EPHA6: variants seen among roughly 807,000 people sequenced by gnomAD.
EPHA6 encodes the protein ephrin type-A receptor 6.
EPHA6 carries 50 observed loss-of-function variants against 112.0 expected under a neutral mutation model. That is an observed-to-expected ratio of 0.45 (90% CI 0.36 to 0.56). The LOEUF (loss-of-function observed/expected upper bound fraction) is 0.56. Among genes scored for constraint, EPHA6 ranks in the 20% least tolerant of loss-of-function variants. EPHA6 has a pLI of 0.00. For missense variants in EPHA6, 1,280 were observed against 1,417.4 expected, an observed-to-expected ratio of 0.90 and a Z score of 1.56; for synonymous variants, 529 against 490.7, an observed-to-expected ratio of 1.08 and a Z score of -1.03.
chr3:97,637,773 C>T (rs62262805), intron 13 of EPHA6, 100 bp from the exon 14 acceptor site: 39,535 of 854,170 alleles, frequency 0.046, 1,260 homozygotes, highest in Middle Eastern at 0.094. Context: ...TGCTTATCTT[C>T]ATTTGATCCA....
At chr3:97,101,023 C>T (rs932194323) in intron 3 of EPHA6, among the ~76,000 whole-genome samples, 20 of 151,882 alleles carry the variant, frequency 1.3e-4, no homozygotes, top group East Asian at 1.9e-4. Context: ...GAATGTAAAA[C>T]GACTTTATAA....
intron 3 of EPHA6, among the ~76,000 whole-genome samples, chr3:97,025,144 G>A (rs193013020): frequency 6.4e-4 from 98 of 152,296 alleles, no homozygotes; most frequent in African/African-American, 2.3e-3. Context: ...CCTATGTCAT[G>A]AGATTTTTAT....
intron 3 of EPHA6, among the ~76,000 whole-genome samples, chr3:97,189,957 G>A (rs2077256824): frequency 6.6e-6 from 1 of 150,498 alleles, no homozygotes; most frequent in South Asian, 2.1e-4. Context: ...CTTCTAGTTG[G>A]TAACAGTGTA....
Position 96,992,057 on chromosome 3 carries a change from G to A in EPHA6, c.1114+4064G>A, listed in dbSNP as rs1236009089. On this transcript the variant is annotated intron_variant, in intron 3 of 17. Coordinates refer to ENST00000389672, the MANE Select transcript of EPHA6 (RefSeq NM_001080448.3). The stretch of plus-strand genomic sequence containing the variant: ...CTAGTATCTTGCCGCTGCACTCTTA[G>A]TCATTCACTCTGTTTATAAGAATTG... Among the ~76,000 whole-genome samples, 4 of 152,218 alleles carry A rather than the reference G, an allele frequency of 2.6e-5. No individual in the cohort carries two copies. The East Asian group carries it at 5.8e-4, about 22-fold the overall frequency.
At chr3:96,903,935 A>G (rs1278962472) in intron 2 of EPHA6, among the ~76,000 whole-genome samples, 3 of 152,184 alleles carry the variant, frequency 2.0e-5, no homozygotes, top group Admixed American at 1.3e-4. Context: ...TAGAATGGCA[A>G]TCATTAAAAA....
At chr3:96,950,845 C>G (rs116604675) in intron 2 of EPHA6, among the ~76,000 whole-genome samples, 1 of 151,974 alleles carries the variant, frequency 6.6e-6, no homozygotes, top group Non-Finnish European at 1.5e-5. Context: ...CTACCTAGAT[C>G]TTCATTATTG....
At chr3:97,175,020 C>A (rs2076798600) in intron 3 of EPHA6, among the ~76,000 whole-genome samples, 1 of 151,818 alleles carries the variant, frequency 6.6e-6, no homozygotes, top group African/African-American at 2.4e-5. Flanking sequence ...GTAGTGGTTT[C>A]ATAGTTTGAG....
chr3:97,197,881 C>A (rs965740301), intron 3 of EPHA6, among the ~76,000 whole-genome samples: 2 of 152,086 alleles, frequency 1.3e-5, no homozygotes, highest in Non-Finnish European at 2.9e-5. Context: ...TTTCTGGCTA[C>A]AGTAGGTCTA....
intron 5 of EPHA6, among the ~76,000 whole-genome samples, chr3:97,388,788 A>C (rs1417378168): frequency 6.6e-6 from 1 of 152,136 alleles, no homozygotes; most frequent in East Asian, 1.9e-4. Context: ...TTTCAAAATG[A>C]ATCTGGACAA....
At chr3:97,127,978 C>T (rs2048229486) in intron 3 of EPHA6, among the ~76,000 whole-genome samples, 1 of 151,766 alleles carries the variant, frequency 6.6e-6, no homozygotes, top group South Asian at 2.1e-4. Flanking sequence ...AGTAGTGTGC[C>T]CTGTACCCAG....
chr3:96,822,379 G>A (rs2033327823), intron 1 of EPHA6, among the ~76,000 whole-genome samples: 1 of 151,830 alleles, frequency 6.6e-6, no homozygotes, highest in African/African-American at 2.4e-5. Flanking sequence ...TGGGATGAAA[G>A]TGTGTATTTT....
chr3:97,098,560 T>C (rs1196887371), intron 3 of EPHA6, among the ~76,000 whole-genome samples: 1 of 151,946 alleles, frequency 6.6e-6, no homozygotes, highest in African/African-American at 2.4e-5. Flanking sequence ...GATGATGTTA[T>C]GTGACTAAGA....
chr3:97,262,811 G>A (rs2079546407), intron 5 of EPHA6, among the ~76,000 whole-genome samples: 1 of 151,882 alleles, frequency 6.6e-6, no homozygotes, highest in Admixed American at 6.6e-5. Context: ...TGTATGTAAG[G>A]ACTTCTGTCA....
At chr3:97,606,845 A>G (rs971303712) in intron 12 of EPHA6, among the ~76,000 whole-genome samples, 7 of 151,180 alleles carry the variant, frequency 4.6e-5, no homozygotes, top group Non-Finnish European at 1.0e-4. Context: ...AGGTAGAAAT[A>G]GATTAAATAA....
chr3:97,198,490 C>T (rs2077497003), intron 3 of EPHA6, among the ~76,000 whole-genome samples: 1 of 150,938 alleles, frequency 6.6e-6, no homozygotes, highest in African/African-American at 2.5e-5. Flanking sequence ...ACTACAGACT[C>T]CACTTTTTTT....
chr3:97,191,166 G>T (rs532497563), intron 3 of EPHA6, among the ~76,000 whole-genome samples: 17 of 151,824 alleles, frequency 1.1e-4, no homozygotes, highest in African/African-American at 3.9e-4. Flanking sequence ...TCAGTGAAAC[G>T]GCACCATATT....
chr3:97,401,322 T>C (rs975561630), intron 5 of EPHA6, among the ~76,000 whole-genome samples: 1 of 151,756 alleles, frequency 6.6e-6, no homozygotes, highest in African/African-American at 2.4e-5. Flanking sequence ...CTTTTCTCTG[T>C]TGGGAGACTT....
intron 2 of EPHA6, among the ~76,000 whole-genome samples, chr3:96,972,838 C>G (rs973731856): frequency 6.6e-6 from 1 of 152,086 alleles, no homozygotes; most frequent in Non-Finnish European, 1.5e-5. Context: ...TTTAAAATTT[C>G]AAAATTGATT....
At chr3:97,376,413 GTTTCTC>G (rs2085359135) in intron 5 of EPHA6, among the ~76,000 whole-genome samples, 1 of 152,122 alleles carries the variant, frequency 6.6e-6, no homozygotes, top group Admixed American at 6.5e-5. Context: ...ACATGTTCCA[GTTTCTC>G]TTTATCTACA....
Sources: gnomAD v4.1 joint callset for allele counts (sites outside exome capture counted in the v4.1 genomes callset) on GRCh38, gnomAD v4.1.1 for gene constraint, MANE v1.5 for transcripts, NCBI Gene and HGNC (gene_info 2026-07-23, HGNC 2026-07-21) for gene names.